The following PRKCA variants were observed in gnomAD, a reference collection of about 807,000 sequenced individuals.
PRKCA encodes the protein protein kinase C alpha type.
Under a neutral mutation model 87.0 loss-of-function variants are expected in PRKCA, and 27 were observed. That is an observed-to-expected ratio of 0.31 (90% CI 0.23 to 0.43). The LOEUF is 0.43. Ranked by LOEUF, PRKCA falls within the 20% of genes least tolerant of loss-of-function variation. The probability of loss-of-function intolerance (pLI) is 1.00; values close to 1 mark genes in which losing one functional copy is unlikely to be tolerated. For synonymous variants in PRKCA, 329 were observed against 311.1 expected, an observed-to-expected ratio of 1.06 and a Z score of -0.61; for missense variants, 518 against 852.3, an observed-to-expected ratio of 0.61 and a Z score of 4.88.
intron 2 of PRKCA, among the ~76,000 whole-genome samples, chr17:66,494,934 C>T (rs1014815717): frequency 7.9e-5 from 12 of 151,902 alleles, no homozygotes; most frequent in Non-Finnish European, 1.5e-4. Context: ...GAAACCGTGT[C>T]TCTACAAAAA....
chr17:66,754,648 A>T (rs1382376950), intron 13 of PRKCA, among the ~76,000 whole-genome samples: 1 of 152,098 alleles, frequency 6.6e-6, no homozygotes, highest in Non-Finnish European at 1.5e-5. Context: ...GGATCTGAAG[A>T]GGTGTTTGAT....
At chr17:66,703,188 A>G (rs909844556) in intron 8 of PRKCA, 1 of 152,236 alleles carries the variant, frequency 6.6e-6, no homozygotes, top group Non-Finnish European at 1.5e-5. Context: ...GTTTTGACTC[A>G]TAATAACACT....
chr17:66,749,886 CT>C (rs936991438), intron 13 of PRKCA, among the ~76,000 whole-genome samples: 1 of 152,026 alleles, frequency 6.6e-6, no homozygotes, highest in African/African-American at 2.4e-5. Context: ...GCCACACCAC[CT>C]CATGTCATCG....
chr17:66,434,206 T>G (rs1744091199), intron 2 of PRKCA, among the ~76,000 whole-genome samples: 1 of 151,736 alleles, frequency 6.6e-6, no homozygotes, highest in South Asian at 2.1e-4. Flanking sequence ...GCAGCTTAAC[T>G]GGGAGAGAAG....
chr17:66,416,040 A>G (rs1049935036), intron 2 of PRKCA: 1 of 152,180 alleles, frequency 6.6e-6, no homozygotes, highest in African/African-American at 2.4e-5. Flanking sequence ...CACAGTGGGC[A>G]TTCTGTAAAT....
At chr17:66,634,520 T>G (rs1376154307) in intron 3 of PRKCA, among the ~76,000 whole-genome samples, 1 of 152,234 alleles carries the variant, frequency 6.6e-6, no homozygotes, top group Non-Finnish European at 1.5e-5. Context: ...CAGATATTTC[T>G]TTGTGGCCCT....
At chr17:66,433,986 A>G (rs962783400) in intron 2 of PRKCA, among the ~76,000 whole-genome samples, 2 of 152,036 alleles carry the variant, frequency 1.3e-5, no homozygotes, top group East Asian at 1.9e-4. Context: ...CAGTTTGTGG[A>G]TGGAGCAGGT....
At chr17:66,529,183 G>T (rs1967453161) in intron 3 of PRKCA, among the ~76,000 whole-genome samples, 1 of 152,134 alleles carries the variant, frequency 6.6e-6, no homozygotes, top group Admixed American at 6.5e-5. Context: ...CTAAAAACAC[G>T]TTTTTAAACT....
intron 3 of PRKCA, among the ~76,000 whole-genome samples, chr17:66,563,887 T>C (rs1333870052): frequency 6.6e-6 from 1 of 152,234 alleles, no homozygotes; most frequent in Non-Finnish European, 1.5e-5. Flanking sequence ...CAGTTATGTA[T>C]AGAAATGATA....
At chr17:66,696,649 T>C (rs1972929432) in intron 8 of PRKCA, among the ~76,000 whole-genome samples, 1 of 152,242 alleles carries the variant, frequency 6.6e-6, no homozygotes, top group Non-Finnish European at 1.5e-5. Flanking sequence ...AGAGCATTCT[T>C]AGAACTCTGT....
chr17:66,781,108 A>C (rs1975197438), intron 14 of PRKCA, among the ~76,000 whole-genome samples: 1 of 152,160 alleles, frequency 6.6e-6, no homozygotes, highest in South Asian at 2.1e-4. Context: ...CAAAAAAATA[A>C]AAAATATAAA....
intron 2 of PRKCA, among the ~76,000 whole-genome samples, chr17:66,468,580 C>T (rs1915189053): frequency 6.6e-6 from 1 of 151,996 alleles, no homozygotes; most frequent in African/African-American, 2.4e-5. Context: ...TATTTGTATG[C>T]TTTTCAATAG....
At chr17:66,450,329 T>G (rs1041712569) in intron 2 of PRKCA, among the ~76,000 whole-genome samples, 2 of 152,110 alleles carry the variant, frequency 1.3e-5, no homozygotes, top group Non-Finnish European at 2.9e-5. Flanking sequence ...TTAGTCACAG[T>G]CTCCTTGTCT....
intron 5 of PRKCA, among the ~76,000 whole-genome samples, chr17:66,683,327 T>C (rs1972539678): frequency 6.6e-6 from 1 of 152,244 alleles, no homozygotes; most frequent in Non-Finnish European, 1.5e-5. Context: ...TCAAATGATG[T>C]CAGTGTGCTA....
rs1483480862 is a variant in PRKCA, at chr17:66,807,610, C to G, written c.*3573C>G. 1.3e-5 allele frequency: 2 copies of G among 152,246 alleles called. No individual in the cohort carries two copies. Among genetic ancestry groups the G allele is most frequent in the South Asian group, 2.1e-4 (1 of 4,828 alleles). The allele number at this position is 152,246 out of a possible 1,614,324, so 9.4% of individuals were successfully genotyped here. On this transcript the variant is annotated 3_prime_UTR_variant, in exon 17 of 17. Transcript: ENST00000413366. The surrounding 1 kb of genome is among the most constrained non-coding windows in gnomAD (Gnocchi z 4.3). ...GGGCCACTGTCTGCCCTTTCTGATGCCACGTATTAGGCTTTCTTACTCAGA... is the reference window on the plus strand; with the variant it reads ...GGGCCACTGTCTGCCCTTTCTGATGGCACGTATTAGGCTTTCTTACTCAGA...
At chr17:66,737,850 A>G (rs1479325317) in intron 10 of PRKCA, among the ~76,000 whole-genome samples, 3 of 152,258 alleles carry the variant, frequency 2.0e-5, no homozygotes, top group African/African-American at 7.2e-5. Context: ...CTGGAAAGCT[A>G]CAAAACAAAG....
In PRKCA at chr17:66,775,119, T is replaced by G. The variant is rs183266452; in HGVS notation, c.1605+1052T>G. 5 of 985,260 alleles carry G rather than the reference T, an allele frequency of 5.1e-6. No homozygotes were observed. In the African/African-American group the frequency reaches 8.7e-5, roughly 17 times the overall value. 61.0% of individuals were successfully genotyped at this position (985,260 alleles called of 1,614,324 possible). A position where few individuals can be genotyped will look rare whatever the true frequency, so the allele number is the denominator to read the frequency against. The stretch of plus-strand genomic sequence containing the variant: ...TGGAGAAATCTGAGACCCTACAAGA[T>G]GGTGGTGCTGATGGATGCGAGAAGC... On this transcript the variant is annotated intron_variant, in intron 14 of 16. Transcript: ENST00000413366.
At chr17:66,785,890 GCA>G (rs1975372532) in intron 14 of PRKCA, among the ~76,000 whole-genome samples, 2 of 152,206 alleles carry the variant, frequency 1.3e-5, no homozygotes, top group Admixed American at 6.5e-5. Flanking sequence ...GTGCAGTGGT[GCA>G]ATCTCAGCTC....
intron 3 of PRKCA, among the ~76,000 whole-genome samples, chr17:66,590,836 C>G (rs1169816880): frequency 6.6e-6 from 1 of 151,696 alleles, no homozygotes. Context: ...GGCAACGGAG[C>G]AAGACTCCGT....
Sources: gnomAD v4.1 joint callset for allele counts (sites outside exome capture counted in the v4.1 genomes callset) on GRCh38, gnomAD v4.1.1 for gene constraint, Gnocchi (gnomAD v3.1) non-coding constraint, MANE v1.5 for transcripts, NCBI Gene and HGNC (gene_info 2026-07-23, HGNC 2026-07-21) for gene names.